KLF7: variants seen among roughly 807,000 people sequenced by gnomAD.
KLF7 encodes the protein KLF transcription factor 7.
KLF7 carries 2 observed loss-of-function variants against 27.3 expected under a neutral mutation model. The observed-to-expected ratio is 0.07, with a 90% CI of 0.03 to 0.23. The LOEUF (loss-of-function observed/expected upper bound fraction) is 0.23, where lower values mean the gene tolerates loss of function less well. Among genes scored for constraint, KLF7 ranks in the 10% least tolerant of loss-of-function variants. The pLI is 1.00. For synonymous variants in KLF7, 165 were observed against 162.4 expected (o/e 1.02, Z -0.12); for missense variants, 221 against 394.1 (o/e 0.56, Z 3.72).
At chr2:207,132,739 A>G (rs1466872552) in intron 1 of KLF7, among the ~76,000 whole-genome samples, 1 of 152,250 alleles carries the variant, frequency 6.6e-6, no homozygotes, top group Admixed American at 6.5e-5. Flanking sequence ...AAAGTCACAT[A>G]ACCTGGGCAG....
intron 1 of KLF7, among the ~76,000 whole-genome samples, chr2:207,158,554 C>T (rs1383549114): frequency 6.6e-6 from 1 of 152,158 alleles, no homozygotes; most frequent in Non-Finnish European, 1.5e-5. Context: ...CAACCCCCTA[C>T]CACATATGCC....
chr2:207,134,698 T>C (rs1229744316), intron 1 of KLF7, among the ~76,000 whole-genome samples: 4 of 152,182 alleles, frequency 2.6e-5, no homozygotes, highest in Non-Finnish European at 4.4e-5. Context: ...AGACTGGCCA[T>C]TCGCATACTG....
chr2:207,153,813 G>T (rs1302966246), intron 1 of KLF7, among the ~76,000 whole-genome samples: 1 of 152,170 alleles, frequency 6.6e-6, no homozygotes, highest in Non-Finnish European at 1.5e-5. Flanking sequence ...CCTCCTGCTA[G>T]CCAATGGGAC....
At chr2:207,084,512 G>A (rs932356703) in intron 3 of KLF7, among the ~76,000 whole-genome samples, 1 of 151,982 alleles carries the variant, frequency 6.6e-6, no homozygotes, top group African/African-American at 2.4e-5. Context: ...TGAATCAAAT[G>A]AGCATCATTA....
intron 1 of KLF7, among the ~76,000 whole-genome samples, chr2:207,151,132 A>C (rs973649871): frequency 2.0e-5 from 3 of 152,178 alleles, no homozygotes; most frequent in African/African-American, 7.2e-5. Context: ...TTGAGTTAAA[A>C]GGACTGAAAG....
upstream of KLF7, among the ~76,000 whole-genome samples, chr2:207,170,182 C>T (rs925447640): frequency 1.3e-5 from 2 of 152,104 alleles, no homozygotes; most frequent in African/African-American, 4.8e-5. Flanking sequence ...AGCAAAACAG[C>T]TTTATTGCTG....
intron 1 of KLF7, among the ~76,000 whole-genome samples, chr2:207,144,942 G>A (rs537975104): frequency 6.6e-6 from 1 of 152,262 alleles, no homozygotes; most frequent in South Asian, 2.1e-4. Flanking sequence ...TTCCCAGAAA[G>A]GTTTTTTTCC....
At chr2:207,110,088 T>C (rs1415366777) in intron 2 of KLF7, 1 of 154,874 alleles carries the variant, frequency 6.5e-6, no homozygotes, top group Non-Finnish European at 1.5e-5. Flanking sequence ...TGTTATTTTC[T>C]ATGCACGTGA....
At chr2:207,093,281 C>G (rs2076552582) in intron 2 of KLF7, among the ~76,000 whole-genome samples, 1 of 152,200 alleles carries the variant, frequency 6.6e-6, no homozygotes. Flanking sequence ...TTCTATCGTT[C>G]TCAGAAAAAA....
chr2:207,088,285 T>G (rs921126444), intron 3 of KLF7, among the ~76,000 whole-genome samples, 173 bp downstream of exon 3: 3 of 152,180 alleles, frequency 2.0e-5, no homozygotes, highest in African/African-American at 7.2e-5. Flanking sequence ...CTTGATTTCA[T>G]GCAAGAGGGC....
At chr2:207,103,797 G>A (rs1559123043) in intron 2 of KLF7, among the ~76,000 whole-genome samples, 1 of 152,324 alleles carries the variant, frequency 6.6e-6, no homozygotes, top group Middle Eastern at 3.4e-3. Flanking sequence ...CAGGATTATC[G>A]TGAAATGTGA....
chr2:207,091,648 G>A (rs991212558), intron 2 of KLF7, among the ~76,000 whole-genome samples: 2 of 152,214 alleles, frequency 1.3e-5, no homozygotes, highest in African/African-American at 4.8e-5. Flanking sequence ...AGAAATCAGA[G>A]AAGCAGAAAA....
At chr2:207,108,736 AT>A (rs2076949938) in intron 2 of KLF7, among the ~76,000 whole-genome samples, 1 of 152,206 alleles carries the variant, frequency 6.6e-6, no homozygotes, top group Admixed American at 6.5e-5. Flanking sequence ...CAATGAATAG[AT>A]TTACAATTCC....
chr2:207,082,877 T>A (rs1389724611), intron 3 of KLF7, among the ~76,000 whole-genome samples: 1 of 152,192 alleles, frequency 6.6e-6, no homozygotes, highest in African/African-American at 2.4e-5. Context: ...CGCAACATTC[T>A]CCACACCCCC....
At chr2:207,152,618 C>T (rs2078277096) in intron 1 of KLF7, among the ~76,000 whole-genome samples, 1 of 152,126 alleles carries the variant, frequency 6.6e-6, no homozygotes, top group South Asian at 2.1e-4. Context: ...ACAACAGAAC[C>T]TGAATGACTA....
chr2:207,164,294 G>GCAGC (rs907618142), intron 1 of KLF7, among the ~76,000 whole-genome samples: 2 of 152,120 alleles, frequency 1.3e-5, no homozygotes, highest in African/African-American at 4.8e-5. Flanking sequence ...AATTACACGA[G>GCAGC]CAGCCACACA....
Position 207,137,363 on chromosome 2 carries a change from C to T in KLF7, c.103-12959G>A, listed in dbSNP as rs539316645. The stretch of plus-strand genomic sequence containing the variant: ...CGAGGACTCGTGTTTTCTGTAAGCC[C>T]CACACACCACTTACACAGGTGAGGT... On this transcript the variant is annotated intron_variant, in intron 1 of 3. Coordinates refer to ENST00000309446, the MANE Select transcript of KLF7 (RefSeq NM_003709.4). Among the ~76,000 whole-genome samples the T allele has an allele frequency of 5.3e-5, 8 of 152,260 alleles. No homozygotes were observed. The East Asian group carries it at 1.2e-3, about 22-fold the overall frequency.
chr2:207,159,808 T>C (rs1345777717), intron 1 of KLF7, among the ~76,000 whole-genome samples: 1 of 152,158 alleles, frequency 6.6e-6, no homozygotes, highest in Non-Finnish European at 1.5e-5. Flanking sequence ...CATGTGGTAC[T>C]GCTCGAATGG....
chr2:207,096,673 T>TAA (rs1463150129), intron 2 of KLF7, among the ~76,000 whole-genome samples: 1 of 152,092 alleles, frequency 6.6e-6, no homozygotes, highest in Non-Finnish European at 1.5e-5. Flanking sequence ...CCCCCAAACT[T>TAA]AATAGAACGT....
Sources: gnomAD v4.1 joint callset for allele counts (sites outside exome capture counted in the v4.1 genomes callset) on GRCh38, gnomAD v4.1.1 for gene constraint, MANE v1.5 for transcripts, NCBI Gene and HGNC (gene_info 2026-07-23, HGNC 2026-07-21) for gene names.